HS3ST4: variants seen among roughly 807,000 people sequenced by gnomAD.
HS3ST4 encodes heparan sulfate-glucosamine 3-sulfotransferase 4, also known as heparan sulfate glucosamine 3-O-sulfotransferase 4.
In HS3ST4, 17 loss-of-function variants were observed where a neutral mutation model predicts 29.2. The observed-to-expected ratio is 0.58, with a 90% CI of 0.40 to 0.87. The LOEUF is 0.87. Ranked by LOEUF, HS3ST4 falls within the 40% of genes least tolerant of loss-of-function variation. The probability of loss-of-function intolerance (pLI) is 0.00; values close to 1 mark genes in which losing one functional copy is unlikely to be tolerated. For synonymous variants in HS3ST4, 314 were observed against 285.7 expected (o/e 1.10, Z -1.00); for missense variants, 627 against 634.5 (o/e 0.99, Z 0.13).
In HS3ST4 at chr16:26,124,723, CTG is replaced by C. The variant is rs374255042; in HGVS notation, c.735-10886_735-10885del. Among the ~76,000 whole-genome samples, 65 of 152,310 alleles carry C rather than the reference CTG, an allele frequency of 4.3e-4. 1 individual carries two copies. In the East Asian group the frequency reaches 0.011, roughly 25 times the overall value. ...TTTGGAGCCTGATCCAAGAACATAGCTGTGGGGGCCTTCTATTATGTGTGAAC... is the reference window on the plus strand; with the variant it reads ...TTTGGAGCCTGATCCAAGAACATAGCTGGGGGCCTTCTATTATGTGTGAAC... On this transcript the variant is annotated intron_variant, in intron 1 of 1. Transcript: ENST00000331351.
At position 25,974,035 on chromosome 16, in the gene HS3ST4, C is replaced by CACTT. The variant is rs375727826; in HGVS notation, c.735-161575_735-161572dup. 3.6e-3 allele frequency among the ~76,000 whole-genome samples: 547 copies of CACTT among 152,330 alleles called. 7 individuals carry two copies. Among genetic ancestry groups the CACTT allele is most frequent in the African/African-American group, 0.013 (521 of 41,568 alleles). The stretch of plus-strand genomic sequence containing the variant: ...CATGCTCGTAAGCAGGGGCAGGTCA[C>CACTT]ACTTAGCCCAGCTTCCTGCCCAACT... On this transcript the variant is annotated intron_variant, in intron 1 of 1. Transcript: ENST00000331351.
At chr16:25,887,129 G>A (rs1967961781) in intron 1 of HS3ST4, among the ~76,000 whole-genome samples, 1 of 152,106 alleles carries the variant, frequency 6.6e-6, no homozygotes, top group South Asian at 2.1e-4. Flanking sequence ...GTGACCTGGG[G>A]GTGGGGGAGA....
rs551535255 is a variant in HS3ST4 at position 25,733,032 on chromosome 16, G to A, written c.734+39881G>A. 2.9e-4 allele frequency among the ~76,000 whole-genome samples: 44 copies of A among 152,280 alleles called. No individual in the cohort carries two copies. The South Asian group carries it at 7.5e-3, about 26-fold the overall frequency. On this transcript the variant is annotated intron_variant, in intron 1 of 1. Coordinates refer to ENST00000331351, the MANE Select transcript of HS3ST4 (RefSeq NM_006040.3). ...TACCCTGCAGATTTATGGGTTGGAG[G>A]TGCCTTCCAAAGAAGACCATCTCTG...
In HS3ST4 at chr16:25,949,949, T is replaced by TG. The variant is rs549441991; in HGVS notation, c.735-185659dup. Among the ~76,000 whole-genome samples the TG allele has an allele frequency of 3.8e-3, 578 of 152,222 alleles. 3 individuals carry two copies. Among genetic ancestry groups the TG allele is most frequent in the African/African-American group, 0.013 (547 of 41,548 alleles). On this transcript the variant is annotated intron_variant, in intron 1 of 1. Transcript: ENST00000331351. Reference sequence around the variant, plus strand: ...TGTTCAAGGAGAGAATCTTGTCCCTTGGGGAGGGTCATCAGGGTCTCCTTG... The same window carrying TG: ...TGTTCAAGGAGAGAATCTTGTCCCTTGGGGGAGGGTCATCAGGGTCTCCTTG...
chr16:25,774,848 A>G (rs767023417), intron 1 of HS3ST4, among the ~76,000 whole-genome samples: 1 of 152,088 alleles, frequency 6.6e-6, no homozygotes, highest in Non-Finnish European at 1.5e-5. Flanking sequence ...GCATTCCACA[A>G]TGCACTCTTC....
chr16:26,002,544 G>A (rs1969220720), intron 1 of HS3ST4, among the ~76,000 whole-genome samples: 1 of 152,038 alleles, frequency 6.6e-6, no homozygotes, highest in African/African-American at 2.4e-5. Flanking sequence ...ATAAATGGTG[G>A]AAGGATGTGT....
intron 1 of HS3ST4, among the ~76,000 whole-genome samples, chr16:26,089,528 C>G (rs1281574126): frequency 6.6e-6 from 1 of 152,184 alleles, no homozygotes; most frequent in Non-Finnish European, 1.5e-5. Context: ...GACAAGGACA[C>G]TTGAAGGAAA....
Position 25,823,345 on chromosome 16 carries a change from C to G in HS3ST4, c.734+130194C>G, listed in dbSNP as rs138674369. Among the ~76,000 whole-genome samples, 625 of 152,294 alleles carry G rather than the reference C, an allele frequency of 4.1e-3. 1 individual carries two copies. Among genetic ancestry groups the G allele is most frequent in the Non-Finnish European group, 6.3e-3 (431 of 68,032 alleles). ...AAAAGCAAGAGAAAGACTTGTTTCT[C>G]TCTGTTTCTGCAACTCCTTTCCTAC... On this transcript the variant is annotated intron_variant, in intron 1 of 1. Transcript: ENST00000331351.
intron 1 of HS3ST4, among the ~76,000 whole-genome samples, chr16:25,756,942 A>G (rs1966761782): frequency 1.3e-5 from 2 of 152,238 alleles, no homozygotes; most frequent in South Asian, 4.1e-4. Context: ...AATTTGTGCT[A>G]TACATACGTC....
intron 1 of HS3ST4, among the ~76,000 whole-genome samples, chr16:25,699,585 G>C (rs1206329149): frequency 6.6e-6 from 1 of 152,192 alleles, no homozygotes; most frequent in East Asian, 1.9e-4. Context: ...AGTTTTATTG[G>C]ACAACAGGTT....
chr16:26,007,626 T>G (rs1233574134), intron 1 of HS3ST4, among the ~76,000 whole-genome samples: 1 of 152,238 alleles, frequency 6.6e-6, no homozygotes, highest in African/African-American at 2.4e-5. Context: ...GCTTACAAAG[T>G]GCACAGGCTC....
intron 1 of HS3ST4, among the ~76,000 whole-genome samples, chr16:26,097,213 C>T (rs961679655): frequency 4.0e-5 from 6 of 151,436 alleles, no homozygotes; most frequent in Middle Eastern, 3.4e-3. Flanking sequence ...TGACTTTATT[C>T]ACAGAATTGG....
At chr16:25,782,200 T>G (rs1358656809) in intron 1 of HS3ST4, among the ~76,000 whole-genome samples, 2 of 152,164 alleles carry the variant, frequency 1.3e-5, no homozygotes, top group Non-Finnish European at 2.9e-5. Context: ...AAGAACAGCA[T>G]GGGAAACCGC....
intron 1 of HS3ST4, among the ~76,000 whole-genome samples, chr16:25,727,770 C>G (rs1208769204): frequency 6.6e-6 from 1 of 152,132 alleles, no homozygotes; most frequent in Non-Finnish European, 1.5e-5. Context: ...CACCTCATGA[C>G]TAGAATTATG....
intron 1 of HS3ST4, among the ~76,000 whole-genome samples, chr16:26,048,512 A>G (rs1898296227): frequency 6.6e-6 from 1 of 152,232 alleles, no homozygotes; most frequent in Non-Finnish European, 1.5e-5. Flanking sequence ...ACTAGGACAC[A>G]GCATTCAACA....
chr16:25,991,545 G>A (rs1249418376), intron 1 of HS3ST4, among the ~76,000 whole-genome samples: 2 of 152,198 alleles, frequency 1.3e-5, no homozygotes, highest in Non-Finnish European at 2.9e-5. Flanking sequence ...GATTAAGTTA[G>A]TGATTAGCAA....
intron 1 of HS3ST4, among the ~76,000 whole-genome samples, chr16:25,812,888 C>A (rs1967056194): frequency 6.6e-6 from 1 of 152,074 alleles, no homozygotes; most frequent in South Asian, 2.1e-4. Context: ...AATTGTTAAG[C>A]AGGATTCCCA....
At chr16:25,789,146 C>A (rs1251584458) in intron 1 of HS3ST4, among the ~76,000 whole-genome samples, 1 of 152,036 alleles carries the variant, frequency 6.6e-6, no homozygotes, top group African/African-American at 2.4e-5. Context: ...TGTTTGCCCC[C>A]AGAAGAAGAT....
At chr16:25,828,292 CTTTCTTTCCCTCTCT>C (rs1567249477) in intron 1 of HS3ST4, among the ~76,000 whole-genome samples, 201 of 81,032 alleles carry the variant, frequency 2.5e-3, no homozygotes, top group East Asian at 7.0e-3. Flanking sequence ...TTCTTTCTTT[CTTTCTTTCCCTCTCT>C]CTCTCTCTCT....
Sources: gnomAD v4.1 joint callset for allele counts (sites outside exome capture counted in the v4.1 genomes callset) on GRCh38, gnomAD v4.1.1 for gene constraint, MANE v1.5 for transcripts, NCBI Gene and HGNC (gene_info 2026-07-23, HGNC 2026-07-21) for gene names.